CARMIL1: variants seen among roughly 807,000 people sequenced by gnomAD.
CARMIL1 encodes the protein capping protein regulator and myosin 1 linker 1.
Under a neutral mutation model 177.1 loss-of-function variants are expected in CARMIL1, and 90 were observed. The observed-to-expected ratio is 0.51, with a 90% CI of 0.43 to 0.61. The LOEUF is 0.61. Ranked by LOEUF, CARMIL1 falls within the 20% of genes least tolerant of loss-of-function variation. The pLI is 0.00. For missense variants in CARMIL1, 1,380 were observed against 1,667.0 expected (o/e 0.83, Z 3.00); for synonymous variants, 577 against 606.2 (o/e 0.95, Z 0.71).
intron 2 of CARMIL1, chr6:25,383,808 G>A (rs1041224036): frequency 4.6e-5 from 7 of 152,102 alleles, no homozygotes; most frequent in Non-Finnish European, 1.5e-5. Flanking sequence ...AATAGAATAG[G>A]ATAATAAACT....
At chr6:25,370,564 G>A (rs1364909005) in intron 2 of CARMIL1, among the ~76,000 whole-genome samples, 2 of 152,142 alleles carry the variant, frequency 1.3e-5, no homozygotes, top group Admixed American at 6.5e-5. Context: ...GGAATATTTT[G>A]TCTTTTGTAC....
At chr6:25,555,325 T>C (rs975026330) in intron 28 of CARMIL1, among the ~76,000 whole-genome samples, 1 of 152,204 alleles carries the variant, frequency 6.6e-6, no homozygotes, top group Non-Finnish European at 1.5e-5. Flanking sequence ...GCTACATGAT[T>C]GTTTAGAGCT....
At chr6:25,284,694 G>A (rs1029618171) in intron 1 of CARMIL1, 118 bp from the exon 2 acceptor site, 7 of 617,012 alleles carry the variant, frequency 1.1e-5, no homozygotes, top group Non-Finnish European at 2.0e-5. Context: ...GGGTGACAGA[G>A]TAAGACTCTG....
chr6:25,434,143 C>T (rs1240296005), intron 4 of CARMIL1, among the ~76,000 whole-genome samples: 1 of 152,150 alleles, frequency 6.6e-6, no homozygotes, highest in East Asian at 1.9e-4. Flanking sequence ...CTCAAGCAAT[C>T]GTCCTGCCTC....
At chr6:25,435,659 G>C (rs201732267) in intron 5 of CARMIL1, 55 bp downstream of exon 5, 1 of 1,509,536 alleles carries the variant, frequency 6.6e-7, no homozygotes, top group South Asian at 1.3e-5. Flanking sequence ...TCCTCAAAAC[G>C]GCAAATACAA....
intron 2 of CARMIL1, among the ~76,000 whole-genome samples, chr6:25,392,652 T>C (rs1227438687): frequency 6.6e-6 from 1 of 152,200 alleles, no homozygotes; most frequent in African/African-American, 2.4e-5. Flanking sequence ...ATGGATGTCA[T>C]GCTAGATACA....
intron 29 of CARMIL1, among the ~76,000 whole-genome samples, chr6:25,559,503 C>T (rs762049454): frequency 4.6e-5 from 7 of 152,204 alleles, no homozygotes; most frequent in Non-Finnish European, 1.0e-4. Context: ...TACATAAGTA[C>T]ATGCACGCAA....
intron 29 of CARMIL1, among the ~76,000 whole-genome samples, chr6:25,568,470 T>C (rs1238107989): frequency 6.6e-6 from 1 of 152,144 alleles, no homozygotes; most frequent in South Asian, 2.1e-4. Context: ...GCTGCAAGTT[T>C]TGGATCTAAC....
intron 2 of CARMIL1, among the ~76,000 whole-genome samples, chr6:25,362,617 T>C (rs1216607477): frequency 6.6e-6 from 1 of 151,938 alleles, no homozygotes; most frequent in Non-Finnish European, 1.5e-5. Context: ...GAGGTTGAGG[T>C]GAGCTGAGAT....
At chr6:25,544,128 G>T (rs897898957) in intron 26 of CARMIL1, among the ~76,000 whole-genome samples, 1 of 152,056 alleles carries the variant, frequency 6.6e-6, no homozygotes, top group African/African-American at 2.4e-5. Context: ...GATAGAATGA[G>T]AAATTTAGCA....
chr6:25,351,264 T>G (rs1287147803), intron 2 of CARMIL1, among the ~76,000 whole-genome samples: 1 of 152,254 alleles, frequency 6.6e-6, no homozygotes, highest in Non-Finnish European at 1.5e-5. Context: ...TTATATTGAT[T>G]ACATGCTTAA....
chr6:25,374,502 G>A (rs921325931), intron 2 of CARMIL1, among the ~76,000 whole-genome samples: 3 of 152,200 alleles, frequency 2.0e-5, no homozygotes, highest in Non-Finnish European at 4.4e-5. Flanking sequence ...ATATTTTGCA[G>A]TTCTTGGGTG....
intron 2 of CARMIL1, among the ~76,000 whole-genome samples, chr6:25,327,189 G>T (rs79705097): frequency 1.3e-5 from 2 of 151,810 alleles, no homozygotes; most frequent in African/African-American, 2.4e-5. Flanking sequence ...AAGGAGAGAG[G>T]GTGCAAGAGC....
At position 25,583,882 on chromosome 6, in the gene CARMIL1, A is replaced by G. The variant is rs1813370291; in HGVS notation, c.3006+2443A>G. 2.0e-5 allele frequency among the ~76,000 whole-genome samples: 3 copies of G among 151,706 alleles called. No homozygotes were observed. In the South Asian group the frequency reaches 6.3e-4, roughly 32 times the overall value. On this transcript the variant is annotated intron_variant, in intron 31 of 36. Coordinates refer to ENST00000329474, the MANE Select transcript of CARMIL1 (RefSeq NM_017640.6). ...TTCAGGTTCTAGGATGTTACTGAAT[A>G]AATGGTTTCTCTATGGCTCTTTCCA...
intron 31 of CARMIL1, among the ~76,000 whole-genome samples, chr6:25,591,414 C>G (rs1043438049): frequency 6.6e-6 from 1 of 152,338 alleles, no homozygotes; most frequent in South Asian, 2.1e-4. Flanking sequence ...AAAAGCCTTT[C>G]TCTGAGTGCA....
intron 2 of CARMIL1, among the ~76,000 whole-genome samples, chr6:25,364,595 GT>G (rs915337748): frequency 6.7e-6 from 1 of 149,034 alleles, no homozygotes; most frequent in Non-Finnish European, 1.5e-5. Context: ...CAGAGTTTCT[GT>G]CTTGTCACCC....
intron 2 of CARMIL1, among the ~76,000 whole-genome samples, chr6:25,413,813 A>AT (rs34634046): frequency 2.9e-4 from 44 of 150,852 alleles, no homozygotes; most frequent in East Asian, 3.9e-4. Context: ...ATGCACCCTA[A>AT]TTTTTTTTTT....
chr6:25,440,301 C>T (rs1245294160), intron 5 of CARMIL1, among the ~76,000 whole-genome samples: 2 of 152,010 alleles, frequency 1.3e-5, no homozygotes, highest in Non-Finnish European at 2.9e-5. Context: ...TTACTGCAAA[C>T]GGATGGAGAA....
intron 17 of CARMIL1, among the ~76,000 whole-genome samples, chr6:25,508,568 G>A (rs762736416): frequency 5.1e-4 from 77 of 152,278 alleles, no homozygotes; most frequent in African/African-American, 1.9e-3. Flanking sequence ...TATCCCAACT[G>A]AAATTCTCCT....
Sources: gnomAD v4.1 joint callset for allele counts (sites outside exome capture counted in the v4.1 genomes callset) on GRCh38, gnomAD v4.1.1 for gene constraint, MANE v1.5 for transcripts, NCBI Gene and HGNC (gene_info 2026-07-23, HGNC 2026-07-21) for gene names.